The following CHST6 variants were observed in gnomAD, a reference collection of about 807,000 sequenced individuals.
CHST6 encodes the protein N-acetylglucosamine 6-O-sulfotransferase 5.
For missense variants in CHST6, 698 were observed against 586.2 expected, an observed-to-expected ratio of 1.19 and a Z score of -1.97; for synonymous variants, 309 against 276.4, an observed-to-expected ratio of 1.12 and a Z score of -1.17.
In CHST6 at chr16:75,478,891, C is replaced by G. The variant is rs2080099321; in HGVS notation, c.938G>C (p.Gly313Ala). Residue 313 changes from glycine to alanine, a missense_variant, in exon 3 of 3, where the codon GGT becomes GCT. By Grantham distance (60) the Gly-to-Ala change is moderately conservative. Coordinates refer to ENST00000332272, the MANE Select transcript of CHST6 (RefSeq NM_021615.5). ...AGTCTTGAAGGCTTCGCGGCGCGCA[C>G]CAGGTCCAGATCCGTGGGTGATGTT... ...IHNITHGSGP[G>A]ARREAFKTSS... 2 of 1,613,390 alleles carry G rather than the reference C, an allele frequency of 1.2e-6. No individual in the cohort carries two copies. The highest frequency in any genetic ancestry group is 1.7e-6 in the Non-Finnish European group (2 of 1,179,978).
Position 75,475,904 on chromosome 16 carries a change from G to A in CHST6, c.*2737C>T, listed in dbSNP as rs889225689. ...TCTGTCATCCAGGCTGGAGTGCAGT[G>A]GCATTATCTCGGCTCACTGCACTGT... On this transcript the variant is annotated 3_prime_UTR_variant, in exon 3 of 3. Coordinates refer to ENST00000332272, the MANE Select transcript of CHST6 (RefSeq NM_021615.5). 1 of 152,260 alleles carries A rather than the reference G, an allele frequency of 6.6e-6. No individual in the cohort carries two copies. Among genetic ancestry groups the A allele is most frequent in the African/African-American group, 2.4e-5 (1 of 41,444 alleles). The allele number at this position is 152,260 out of a possible 1,614,324, so 9.4% of individuals were successfully genotyped here. A position where few individuals can be genotyped will look rare whatever the true frequency, so the allele number is the denominator to read the frequency against.
At position 75,478,613 on chromosome 16, in the gene CHST6, C is replaced by T. The variant is rs1475319826; in HGVS notation, c.*28G>A. ...TGCACCATGCACTCTCCTCCCGGGCCTAGCGCCTGCTACAACTGTGGCCTC... is the reference window on the plus strand; with the variant it reads ...TGCACCATGCACTCTCCTCCCGGGCTTAGCGCCTGCTACAACTGTGGCCTC... On this transcript the variant is annotated 3_prime_UTR_variant, in exon 3 of 3. Coordinates refer to ENST00000332272, the MANE Select transcript of CHST6 (RefSeq NM_021615.5). 2 of 1,610,810 alleles carry T rather than the reference C, an allele frequency of 1.2e-6. No homozygotes were observed. Among genetic ancestry groups the T allele is most frequent in the South Asian group, 1.1e-5 (1 of 91,020 alleles).
At chr16:75,486,336 T>C (rs1329199208) in intron 1 of CHST6, among the ~76,000 whole-genome samples, 1 of 152,262 alleles carries the variant, frequency 6.6e-6, no homozygotes, top group Non-Finnish European at 1.5e-5. Context: ...TGGACATGCT[T>C]GGTTCTGTCC....
rs895952354 is a variant in CHST6 at position 75,472,348 on chromosome 16, C to A, written c.*6293G>T. On this transcript the variant is annotated 3_prime_UTR_variant, in exon 3 of 3. Coordinates refer to ENST00000332272, the MANE Select transcript of CHST6 (RefSeq NM_021615.5). ...AAGTAAGTTAACAAAACAACAACAACAAAAAACAGATGACAAGCTAGGAGA... is the reference window on the plus strand; with the variant it reads ...AAGTAAGTTAACAAAACAACAACAAAAAAAAACAGATGACAAGCTAGGAGA... 1 of 151,734 alleles carries A rather than the reference C, an allele frequency of 6.6e-6. No individual in the cohort carries two copies. The highest frequency in any genetic ancestry group is 2.1e-4 in the South Asian group (1 of 4,822). The allele number at this position is 151,734 out of a possible 1,614,324, so 9.4% of individuals were successfully genotyped here.
At position 75,479,005 on chromosome 16, in the gene CHST6, T is replaced by C. The variant is rs771164905; in HGVS notation, c.824A>G (p.Asp275Gly). 1 of 1,611,900 alleles carries C rather than the reference T, an allele frequency of 6.2e-7. No individual in the cohort carries two copies. Among genetic ancestry groups the C allele is most frequent in the Non-Finnish European group, 8.5e-7 (1 of 1,179,918 alleles). ...RGRYRLVRFE[D>G]LAREPLAEIR... ...TTCTGCCAGCGGCTCCCGCGCCAGG[T>C]CCTCGAAGCGCACCAGGCGGTAGCG... is the stretch of plus-strand genomic sequence containing the variant. The change falls in exon 3 of 3, where the codon GAC (aspartate) becomes GGC (glycine). Residue 275 changes from aspartate (D) to glycine (G), a missense_variant. Physicochemically the swap from Asp to Gly is moderately conservative, Grantham distance 94. Transcript: ENST00000332272.
At chr16:75,491,232 CTT>C (rs2080254494) in intron 1 of CHST6, among the ~76,000 whole-genome samples, 1 of 106,216 alleles carries the variant, frequency 9.4e-6, no homozygotes, top group African/African-American at 3.6e-5. Context: ...ATATAATATA[CTT>C]ATATATAATA....
At chr16:75,488,806 G>A (rs2080228230) in intron 1 of CHST6, among the ~76,000 whole-genome samples, 2 of 150,920 alleles carry the variant, frequency 1.3e-5, no homozygotes, top group African/African-American at 4.9e-5. Context: ...AGAATCGCTT[G>A]AACCCGGGAG....
intron 1 of CHST6, among the ~76,000 whole-genome samples, chr16:75,483,215 G>GTGGGCT (rs1382169340): frequency 2.0e-5 from 3 of 152,202 alleles, no homozygotes; most frequent in Non-Finnish European, 4.4e-5. Flanking sequence ...ATCCCAGGCT[G>GTGGGCT]TGGGCTTCTC....
intron 1 of CHST6, among the ~76,000 whole-genome samples, chr16:75,488,300 C>G (rs1195965894): frequency 1.3e-5 from 2 of 151,678 alleles, no homozygotes; most frequent in East Asian, 3.9e-4. Context: ...CTCGTCTCTA[C>G]TAAAAATACA....
In CHST6 at chr16:75,473,343, AGGATGGCCTGGTTTG is replaced by A. The variant is rs554644197; in HGVS notation, c.*5283_*5297del. ...CGGATCAGCTGGAGCTGGCTGGTCTAGGATGGCCTGGTTTGGGACCCCTGAACTCTCCTTCTCATG... is the reference window on the plus strand; with the variant it reads ...CGGATCAGCTGGAGCTGGCTGGTCTAGGACCCCTGAACTCTCCTTCTCATG... On this transcript the variant is annotated 3_prime_UTR_variant, in exon 3 of 3. Transcript: ENST00000332272. 3.9e-5 allele frequency: 6 copies of A among 152,500 alleles called. No individual in the cohort carries two copies. The East Asian group carries it at 1.2e-3, about 29-fold the overall frequency. The allele number at this position is 152,500 out of a possible 1,614,324, so 9.4% of individuals were successfully genotyped here. A position where few individuals can be genotyped will look rare whatever the true frequency, so the allele number is the denominator to read the frequency against.
Position 75,472,212 on chromosome 16 carries a change from G to C in CHST6, c.*6429C>G, listed in dbSNP as rs1164284924. On this transcript the variant is annotated 3_prime_UTR_variant, in exon 3 of 3. Transcript: ENST00000332272. ...ATGAGGTGGTGATTTGATTTCACAG[G>C]TATATACAAATGTTTAATCAAACTT... 1 of 152,150 alleles carries C rather than the reference G, an allele frequency of 6.6e-6. No homozygotes were observed. Among genetic ancestry groups the C allele is most frequent in the Non-Finnish European group, 1.5e-5 (1 of 68,036 alleles). 9.4% of individuals were successfully genotyped at this position (152,150 alleles called of 1,614,324 possible).
At chr16:75,485,959 G>A (rs1006126017) in intron 1 of CHST6, among the ~76,000 whole-genome samples, 2 of 152,280 alleles carry the variant, frequency 1.3e-5, no homozygotes, top group African/African-American at 4.8e-5. Flanking sequence ...TGCCCCCAGA[G>A]GTGCCTACAC....
intron 1 of CHST6, among the ~76,000 whole-genome samples, chr16:75,494,338 C>T (rs1346351550): frequency 6.6e-6 from 1 of 152,148 alleles, no homozygotes; most frequent in African/African-American, 2.4e-5. Context: ...AGCATAGCAC[C>T]CTCAGAGGCC....
chr16:75,485,126 G>A (rs899280549), intron 1 of CHST6, among the ~76,000 whole-genome samples: 1 of 152,156 alleles, frequency 6.6e-6, no homozygotes, highest in African/African-American at 2.4e-5. Context: ...TTCAGGAGGA[G>A]GGTGGAACTA....
rs1332923184 is a variant in CHST6, at chr16:75,478,188, C to T, written c.*453G>A. ...TGATTTCAGACAAGTCCTTTCACTTCCGAGTTTTGCCATGTGTGCCTGTGT... is the reference window on the plus strand; with the variant it reads ...TGATTTCAGACAAGTCCTTTCACTTTCGAGTTTTGCCATGTGTGCCTGTGT... On this transcript the variant is annotated 3_prime_UTR_variant, in exon 3 of 3. Coordinates refer to ENST00000332272, the MANE Select transcript of CHST6 (RefSeq NM_021615.5). 6 of 208,204 alleles carry T rather than the reference C, an allele frequency of 2.9e-5. No homozygotes were observed. Among genetic ancestry groups the T allele is most frequent in the African/African-American group, 1.4e-4 (6 of 43,348 alleles). 12.9% of individuals were successfully genotyped at this position (208,204 alleles called of 1,614,324 possible).
In CHST6 at chr16:75,478,041, C is replaced by T. The variant is rs1490824081; in HGVS notation, c.*600G>A. 1 of 162,314 alleles carries T rather than the reference C, an allele frequency of 6.2e-6. No individual in the cohort carries two copies. Among genetic ancestry groups the T allele is most frequent in the East Asian group, 1.8e-4 (1 of 5,602 alleles). The allele number at this position is 162,314 out of a possible 1,614,324, so 10.1% of individuals were successfully genotyped here. On this transcript the variant is annotated 3_prime_UTR_variant, in exon 3 of 3. Coordinates refer to ENST00000332272, the MANE Select transcript of CHST6 (RefSeq NM_021615.5). ...GTCCCTGGTCATGACTCTGCTTGCT[C>T]TTCCCTAAAGCAATTAAAATAGGAA...
intron 1 of CHST6, among the ~76,000 whole-genome samples, chr16:75,487,189 C>T (rs200063222): frequency 6.6e-6 from 1 of 152,214 alleles, no homozygotes; most frequent in East Asian, 1.9e-4. Flanking sequence ...CTAAACATCC[C>T]TTACCATTTC....
Position 75,479,831 on chromosome 16 carries a change from T to C in CHST6, c.-3A>G, listed in dbSNP as rs1235532857. 1 of 1,552,194 alleles carries C rather than the reference T, an allele frequency of 6.4e-7. No homozygotes were observed. The highest frequency in any genetic ancestry group is 8.7e-7 in the Non-Finnish European group (1 of 1,150,752). ...CTGGAGACGCGCGGCAGCCACATGC[T>C]GACTGCTGGGGGCCTTAGGGAGGAG... On this transcript the variant is annotated 5_prime_UTR_variant, in exon 3 of 3. Transcript: ENST00000332272.
At chr16:75,485,179 T>C (rs111325814) in intron 1 of CHST6, among the ~76,000 whole-genome samples, 1 of 152,380 alleles carries the variant, frequency 6.6e-6, no homozygotes, top group African/African-American at 2.4e-5. Flanking sequence ...GTTCTGTTTC[T>C]TGTTTTGGTA....
Sources: gnomAD v4.1 joint callset for allele counts (sites outside exome capture counted in the v4.1 genomes callset) on GRCh38, gnomAD v4.1.1 for gene constraint, MANE v1.5 for transcripts, NCBI Gene and HGNC (gene_info 2026-07-23, HGNC 2026-07-21) for gene names.